The following NEBL variants were observed in gnomAD, a reference collection of about 807,000 sequenced individuals.
NEBL encodes the protein LIM and SH3 protein 2.
A neutral mutation model predicts 140.2 loss-of-function variants in NEBL; 122 were observed. The observed-to-expected ratio is 0.87, with a 90% CI of 0.75 to 1.01. NEBL has a LOEUF of 1.01. Among genes scored for constraint, NEBL ranks in the 50% least tolerant of loss-of-function variants. The pLI is 0.00. For synonymous variants in NEBL, 436 were observed against 398.9 expected, an observed-to-expected ratio of 1.09 and a Z score of -1.11; for missense variants, 1,365 against 1,231.3, an observed-to-expected ratio of 1.11 and a Z score of -1.62.
intron 3 of NEBL, among the ~76,000 whole-genome samples, chr10:20,999,831 T>C (rs1003934501): frequency 1.3e-5 from 2 of 152,148 alleles, no homozygotes; most frequent in African/African-American, 4.8e-5. Context: ...GCTCCTTTAA[T>C]GTCTTTCTTC....
intron 2 of NEBL, among the ~76,000 whole-genome samples, chr10:21,078,596 C>T (rs902258571): frequency 6.6e-6 from 1 of 152,100 alleles, no homozygotes; most frequent in East Asian, 1.9e-4. Context: ...CCTGTATACA[C>T]GTATGCAGAG....
chr10:20,909,495 C>T (rs905375534), intron 4 of NEBL, among the ~76,000 whole-genome samples: 3 of 152,120 alleles, frequency 2.0e-5, no homozygotes, highest in Non-Finnish European at 4.4e-5. Flanking sequence ...TTTTAAGAGG[C>T]AGATTTTCTT....
chr10:20,916,867 G>T (rs1848578542), intron 4 of NEBL, among the ~76,000 whole-genome samples: 6 of 152,146 alleles, frequency 3.9e-5, no homozygotes, highest in Admixed American at 3.3e-4. Context: ...TACAAGTCCT[G>T]CAGTGTATTG....
At chr10:21,161,327 C>T (rs945367832) in intron 2 of NEBL, among the ~76,000 whole-genome samples, 2 of 152,066 alleles carry the variant, frequency 1.3e-5, no homozygotes, top group Non-Finnish European at 1.5e-5. Context: ...CCACCATACT[C>T]GTCCTCTATT....
intron 2 of NEBL, among the ~76,000 whole-genome samples, chr10:21,054,866 G>C (rs114138971): frequency 1.1e-3 from 163 of 152,236 alleles, no homozygotes; most frequent in African/African-American, 3.8e-3. Flanking sequence ...CATGAAACTT[G>C]AGAGTTAATT....
At chr10:20,955,341 G>T (rs1047499439) in intron 4 of NEBL, among the ~76,000 whole-genome samples, 4 of 152,196 alleles carry the variant, frequency 2.6e-5, no homozygotes, top group African/African-American at 9.6e-5. Context: ...AAATGATAGT[G>T]TTATAGCACA....
At chr10:20,818,040 T>C (rs1243931635) in intron 20 of NEBL, among the ~76,000 whole-genome samples, 2 of 152,182 alleles carry the variant, frequency 1.3e-5, no homozygotes, top group Non-Finnish European at 2.9e-5. Flanking sequence ...GTCCATTCCC[T>C]GTCACCCTAG....
intron 2 of NEBL, among the ~76,000 whole-genome samples, chr10:21,121,675 C>T (rs538205981): frequency 1.3e-5 from 2 of 152,264 alleles, no homozygotes; most frequent in South Asian, 4.1e-4. Flanking sequence ...AGGCTCACAA[C>T]TTCAGTATCT....
At chr10:21,239,660 C>A (rs1410438271) in intron 3 of NEBL, among the ~76,000 whole-genome samples, 1 of 152,188 alleles carries the variant, frequency 6.6e-6, no homozygotes, top group African/African-American at 2.4e-5. Flanking sequence ...TCCCTTGGGA[C>A]TGCCAGTGCA....
upstream of NEBL, among the ~76,000 whole-genome samples, chr10:21,175,637 A>G (rs1841281260): frequency 6.6e-6 from 1 of 152,238 alleles, no homozygotes; most frequent in African/African-American, 2.4e-5. Flanking sequence ...AACTTCTTTA[A>G]AGGATTCACC....
chr10:20,958,230 A>C (rs1378601105), intron 4 of NEBL, among the ~76,000 whole-genome samples: 1 of 152,224 alleles, frequency 6.6e-6, no homozygotes, highest in Non-Finnish European at 1.5e-5. Context: ...ACTGTCCCTT[A>C]AGAATATTTT....
At chr10:20,971,674 C>T (rs1269421766) in intron 3 of NEBL, among the ~76,000 whole-genome samples, 13 of 141,236 alleles carry the variant, frequency 9.2e-5, no homozygotes, top group South Asian at 4.5e-4. Flanking sequence ...TGTGCAGTGG[C>T]GCAATCTCGG....
At chr10:21,069,641 T>C (rs1033267690) in intron 2 of NEBL, among the ~76,000 whole-genome samples, 11 of 152,282 alleles carry the variant, frequency 7.2e-5, no homozygotes, top group African/African-American at 2.6e-4. Context: ...AATCTTTATG[T>C]AGATTTTTCT....
rs193076277 is a variant in NEBL, at chr10:21,241,939, C to T, written n.348+5982G>A. Among the ~76,000 whole-genome samples the T allele has an allele frequency of 2.9e-5, 4 of 136,390 alleles. No individual in the cohort carries two copies. In the South Asian group the frequency reaches 7.0e-4, roughly 24 times the overall value. The allele number at this position is 136,390 out of a possible 152,430, so 89.5% of individuals were successfully genotyped here. A position where few individuals can be genotyped will look rare whatever the true frequency, so the allele number is the denominator to read the frequency against. On this transcript the variant is annotated intron_variant and non_coding_transcript_variant, in intron 3 of 8. Transcript: ENST00000675702. The stretch of plus-strand genomic sequence containing the variant: ...TCTGTAGGCCAGGAGCAGAGGCTCA[C>T]GCCTGTAATCCTAGCACTTTGGGAG...
rs139785336 is a variant in NEBL, at chr10:20,972,180, G to C, written c.250-10401C>G. Among the ~76,000 whole-genome samples the C allele has an allele frequency of 1.2e-4, 19 of 152,274 alleles. No individual in the cohort carries two copies. The East Asian group carries it at 2.7e-3, about 22-fold the overall frequency. On this transcript the variant is annotated intron_variant, in intron 3 of 6. Coordinates refer to the NEBL transcript ENST00000417816. ...AAACAAAGTGAACTAACACAAAACAGTCATGAAAGTGAAAATAACCTGTCC... is the reference window on the plus strand; with the variant it reads ...AAACAAAGTGAACTAACACAAAACACTCATGAAAGTGAAAATAACCTGTCC...
At chr10:21,128,374 A>C (rs1193051084) in intron 2 of NEBL, among the ~76,000 whole-genome samples, 1 of 152,136 alleles carries the variant, frequency 6.6e-6, no homozygotes, top group African/African-American at 2.4e-5. Context: ...AAAAAGGAGA[A>C]GAGGCTCTCC....
chr10:20,823,422 T>A (rs1839542580), intron 18 of NEBL, 122 bp from the exon 19 acceptor site: 1 of 686,560 alleles, frequency 1.5e-6, no homozygotes, highest in African/African-American at 1.8e-5. Flanking sequence ...TACTTTTCCT[T>A]CACTGGGGAC....
intron 11 of NEBL, among the ~76,000 whole-genome samples, chr10:20,847,756 A>G (rs1352890275): frequency 1.3e-5 from 2 of 152,188 alleles, no homozygotes; most frequent in African/African-American, 4.8e-5. Context: ...ATGTATGTTA[A>G]CAGCTTCATA....
At chr10:20,858,601 T>C (rs1030358221) in intron 8 of NEBL, among the ~76,000 whole-genome samples, 2 of 152,196 alleles carry the variant, frequency 1.3e-5, no homozygotes, top group African/African-American at 4.8e-5. Flanking sequence ...TAGAATAAAG[T>C]AATTTTCACA....
Sources: allele counts gnomAD v4.1 joint callset (sites outside exome capture counted in the v4.1 genomes callset), GRCh38; gene constraint gnomAD v4.1.1; transcripts MANE v1.5; gene names NCBI Gene and HGNC (gene_info 2026-07-23, HGNC 2026-07-21).